MYLK3: variants seen among roughly 807,000 people sequenced by gnomAD.
MYLK3 encodes the protein MLC kinase.
In MYLK3, 55 loss-of-function variants were observed where a neutral mutation model predicts 76.3. That is an observed-to-expected ratio of 0.72 (90% CI 0.58 to 0.90). The LOEUF (loss-of-function observed/expected upper bound fraction) is 0.90. MYLK3 is among the 40% of genes least tolerant of loss of function. The pLI, the probability that MYLK3 is intolerant of heterozygous loss-of-function variation, is 0.00. For synonymous variants in MYLK3, 416 were observed against 425.4 expected, an observed-to-expected ratio of 0.98 and a Z score of 0.27; for missense variants, 973 against 1,053.6, an observed-to-expected ratio of 0.92 and a Z score of 1.06.
chr16:46,748,014 C>T lies in MYLK3; in HGVS notation c.180G>A (p.Leu60=). The part of the protein sequence containing the change: ...LQSMCRDMGH[L]ERGLHRLEAS... Reference sequence around the variant, plus strand: ...CCTCCAGCCTGTGCAGGCCCCGCTCCAGGTGGCCCATGTCTCGGCACATGC... The same window carrying T: ...CCTCCAGCCTGTGCAGGCCCCGCTCTAGGTGGCCCATGTCTCGGCACATGC... Residue 60 remains leucine (L), a synonymous_variant, in exon 1 of 13, where the codon CTG becomes CTA. Transcript: ENST00000394809. This position sits in a 1 kb window ranked among gnomAD's most constrained non-coding sequence, Gnocchi z 4.3. 1 of 1,613,932 alleles carries T rather than the reference C, an allele frequency of 6.2e-7. No individual in the cohort carries two copies. The highest frequency in any genetic ancestry group is 1.3e-5 in the African/African-American group (1 of 75,080).
At chr16:46,754,105 T>C (rs956700093) in intron 1 of MYLK3, among the ~76,000 whole-genome samples, 53 of 152,130 alleles carry the variant, frequency 3.5e-4, no homozygotes, top group Admixed American at 1.9e-3. Context: ...TAAGATAATG[T>C]CCCAGAAAAT....
At chr16:46,739,486 G>A (rs1264741655) in intron 2 of MYLK3, among the ~76,000 whole-genome samples, 3 of 152,046 alleles carry the variant, frequency 2.0e-5, no homozygotes, top group Non-Finnish European at 2.9e-5. Flanking sequence ...TGAACTGCAC[G>A]GGTTCACTTA....
At chr16:46,707,878 C>A (rs1966642439) in intron 12 of MYLK3, 115 bp from the exon 13 acceptor site, 8 of 621,102 alleles carry the variant, frequency 1.3e-5, no homozygotes, top group Non-Finnish European at 2.2e-5. Context: ...TGGTTTAAAT[C>A]TGATACCTAA....
chr16:46,719,984 T>G lies in MYLK3; in HGVS notation c.1985+1139A>C, dbSNP rs1966783381. 4.6e-5 allele frequency among the ~76,000 whole-genome samples: 7 copies of G among 152,214 alleles called. No individual in the cohort carries two copies. In the South Asian group the frequency reaches 1.5e-3, roughly 32 times the overall value. On this transcript the variant is annotated intron_variant, in intron 9 of 12. Transcript: ENST00000394809. ...CTTGAGGTCAGGAGTTTGAGACCAGTCTGACCCACTTAGTGAAACCCCATT... is the reference window on the plus strand; with the variant it reads ...CTTGAGGTCAGGAGTTTGAGACCAGGCTGACCCACTTAGTGAAACCCCATT...
chr16:46,748,017 G>A lies in MYLK3; in HGVS notation c.177C>T (p.His59=). ...KLQSMCRDMG[H]LERGLHRLEA... ...CCAGCCTGTGCAGGCCCCGCTCCAGGTGGCCCATGTCTCGGCACATGCTCT... is the reference window on the plus strand; with the variant it reads ...CCAGCCTGTGCAGGCCCCGCTCCAGATGGCCCATGTCTCGGCACATGCTCT... The change falls in exon 1 of 13, where the codon CAC becomes CAT. Residue 59 remains histidine (H), a synonymous_variant. Transcript: ENST00000394809. This position sits in a 1 kb window ranked among gnomAD's most constrained non-coding sequence, Gnocchi z 4.3. 1.2e-6 allele frequency: 2 copies of A among 1,613,902 alleles called. No individual in the cohort carries two copies. Among genetic ancestry groups the A allele is most frequent in the Non-Finnish European group, 8.5e-7 (1 of 1,180,038 alleles).
intron 1 of MYLK3, among the ~76,000 whole-genome samples, chr16:46,754,260 A>G (rs1228187246): frequency 6.6e-6 from 1 of 152,074 alleles, no homozygotes; most frequent in Non-Finnish European, 1.5e-5. Context: ...TCATTATGCA[A>G]TTTTAGAACA....
intron 1 of MYLK3, among the ~76,000 whole-genome samples, chr16:46,762,109 G>A (rs995909174): frequency 1.3e-5 from 2 of 152,148 alleles, no homozygotes; most frequent in East Asian, 1.9e-4. Context: ...CCCCGCAGGC[G>A]GGCAACAGAA....
chr16:46,719,481 C>A (rs1270041378), intron 9 of MYLK3, among the ~76,000 whole-genome samples: 1 of 152,152 alleles, frequency 6.6e-6, no homozygotes, highest in African/African-American at 2.4e-5. Flanking sequence ...TTCCCAAATG[C>A]CAAGGGTCTG....
chr16:46,745,444 AT>A (rs1967005492), intron 1 of MYLK3, among the ~76,000 whole-genome samples: 1 of 152,160 alleles, frequency 6.6e-6, no homozygotes, highest in Non-Finnish European at 1.5e-5. Context: ...TAACATTTGA[AT>A]TAAAATAAAA....
rs1462387236 is a variant in MYLK3, at chr16:46,732,250, T to C, written c.1420A>G (p.Arg474Gly). The C allele has an allele frequency of 6.2e-7, 1 of 1,600,846 alleles. No homozygotes were observed. ...ARAPVRAEAV[R>G]RMPPGAEAGS... ...GCCTCGGCGCCTGGGGGCATCCTCC[T>C]TACTGCTTCAGCTCTCACCGGAGCC... The change falls in exon 4 of 13, where the codon AGG becomes GGG. Residue 474 changes from arginine to glycine, a missense_variant. By Grantham distance (125) the Arg-to-Gly change is moderately radical. Around this residue, in one of 2 missense-constraint regions of MYLK3, gnomAD observed 641 missense variants for 637.0 expected, o/e 1.01. Coordinates refer to ENST00000394809, the MANE Select transcript of MYLK3 (RefSeq NM_182493.3).
intron 10 of MYLK3, chr16:46,711,699 TG>T: frequency 4.9e-6 from 2 of 404,970 alleles, no homozygotes; most frequent in Non-Finnish European, 4.9e-6. Flanking sequence ...ATGTCTTTGC[TG>T]GAGGGCTTTC....
intron 3 of MYLK3, among the ~76,000 whole-genome samples, chr16:46,736,174 C>A (rs1025345527): frequency 6.6e-6 from 1 of 152,132 alleles, no homozygotes; most frequent in African/African-American, 2.4e-5. Flanking sequence ...ACCATGCCCA[C>A]GGTAGCCCAG....
chr16:46,716,495 ATATGTGTG>A (rs1190581896), intron 9 of MYLK3, among the ~76,000 whole-genome samples: 2,146 of 145,120 alleles, frequency 0.015, 39 homozygotes, highest in East Asian at 0.11. Flanking sequence ...ATGTGTATAT[ATATGTGTG>A]TGTGTGTGTG....
At position 46,744,593 on chromosome 16, in the gene MYLK3, C is replaced by T. The variant is rs1046232316; in HGVS notation, c.477+3124G>A. On this transcript the variant is annotated intron_variant, in intron 1 of 12. Coordinates refer to ENST00000394809, the MANE Select transcript of MYLK3 (RefSeq NM_182493.3). ...CTGACCTCAGGTGATCCCCCCACCT[C>T]GGCCTCCCAAAGTGCTGGGATTACA... Among the ~76,000 whole-genome samples the T allele has an allele frequency of 7.9e-5, 12 of 151,854 alleles. No homozygotes were observed. The Middle Eastern group carries it at 0.01, about 131-fold the overall frequency.
At chr16:46,741,076 G>A (rs1167591455) in intron 1 of MYLK3, among the ~76,000 whole-genome samples, 3 of 152,216 alleles carry the variant, frequency 2.0e-5, no homozygotes, top group African/African-American at 4.8e-5. Context: ...GCCATGCTGG[G>A]TTTGAACCCC....
chr16:46,759,753 T>C (rs1391317431), intron 1 of MYLK3, among the ~76,000 whole-genome samples: 1 of 151,962 alleles, frequency 6.6e-6, no homozygotes, highest in Non-Finnish European at 1.5e-5. Flanking sequence ...TCAGCCTCCC[T>C]AGTAGCTGGG....
intron 1 of MYLK3, among the ~76,000 whole-genome samples, chr16:46,759,866 C>T (rs965415087): frequency 6.6e-6 from 1 of 152,192 alleles, no homozygotes; most frequent in African/African-American, 2.4e-5. Flanking sequence ...TCCCTGACCT[C>T]AGGTGATCCA....
rs551352080 is a variant in MYLK3, at chr16:46,732,851, G to A, written c.1002-183C>T. On this transcript the variant is annotated intron_variant, in intron 3 of 12. Transcript: ENST00000394809. The stretch of plus-strand genomic sequence containing the variant: ...TGCCATCAGCTCCCAGGATCCCACC[G>A]GATGAGGGTCCTGGGAAGCTTGAGA... 2.0e-3 allele frequency among the ~76,000 whole-genome samples: 303 copies of A among 152,308 alleles called. 1 individual carries two copies. Among genetic ancestry groups the A allele is most frequent in the Non-Finnish European group, 3.5e-3 (235 of 68,018 alleles).
In MYLK3 at chr16:46,721,164, T is replaced by C. The variant is rs1294123831; in HGVS notation, c.1944A>G (p.Thr648=). 6.2e-7 allele frequency: 1 copy of C among 1,614,236 alleles called. No individual in the cohort carries two copies. The highest frequency in any genetic ancestry group is 8.5e-7 in the Non-Finnish European group (1 of 1,180,030). ...AGTCAATGATCTTAATTTGATGTCC[T>C]GTCTGATTGACGCACAATATGTTCT... ...KPENILCVNQ[T]GHQIKIIDFG... The change falls in exon 9 of 13, where the codon ACA becomes ACG. Residue 648 remains threonine, a synonymous_variant. Transcript: ENST00000394809.
Sources: gnomAD v4.1 joint callset for allele counts (sites outside exome capture counted in the v4.1 genomes callset) on GRCh38, gnomAD v4.1.1 for gene constraint, gnomAD v4.1.1 regional missense constraint, Gnocchi (gnomAD v3.1) non-coding constraint, MANE v1.5 for transcripts, NCBI Gene and HGNC (gene_info 2026-07-23, HGNC 2026-07-21) for gene names.